Variants in GLT1D1 observed in about 807,000 individuals in gnomAD.
GLT1D1 encodes the protein glycosyltransferase 1 domain-containing protein 1.
Under a neutral mutation model 28.7 loss-of-function variants are expected in GLT1D1, and 21 were observed. That is an observed-to-expected ratio of 0.73 (90% confidence interval 0.52 to 1.05). The LOEUF (loss-of-function observed/expected upper bound fraction) is 1.05, where lower values mean the gene tolerates loss of function less well. Among genes scored for constraint, GLT1D1 ranks in the 50% least tolerant of loss-of-function variants. The pLI is 0.00. For synonymous variants in GLT1D1, 147 were observed against 124.8 expected, an observed-to-expected ratio of 1.18 and a Z score of -1.19; for missense variants, 343 against 330.6, an observed-to-expected ratio of 1.04 and a Z score of -0.29.
chr12:128,893,588 T>C (rs1258409494), intron 3 of GLT1D1, among the ~76,000 whole-genome samples: 3 of 152,080 alleles, frequency 2.0e-5, no homozygotes, highest in Non-Finnish European at 4.4e-5. Flanking sequence ...TAATTGAATT[T>C]TATTGTTTTT....
At chr12:128,898,160 C>T (rs1358432705) in intron 3 of GLT1D1, among the ~76,000 whole-genome samples, 2 of 151,794 alleles carry the variant, frequency 1.3e-5, no homozygotes, top group Non-Finnish European at 2.9e-5. Flanking sequence ...TCCTCCTCCT[C>T]CTCCTTCTTC....
chr12:128,930,967 C>T (rs1873795949), intron 4 of GLT1D1, among the ~76,000 whole-genome samples: 1 of 151,534 alleles, frequency 6.6e-6, no homozygotes, highest in Non-Finnish European at 1.5e-5. Context: ...TGTTTTTCAC[C>T]TCCCGGAGGA....
At chr12:128,898,430 G>C (rs1246833816) in intron 3 of GLT1D1, among the ~76,000 whole-genome samples, 1 of 152,138 alleles carries the variant, frequency 6.6e-6, no homozygotes, top group Admixed American at 6.5e-5. Flanking sequence ...TCCTGCCTCA[G>C]CCTCCCAAAG....
chr12:128,856,757 T>TA (rs912184189), intron 1 of GLT1D1, among the ~76,000 whole-genome samples: 6 of 151,460 alleles, frequency 4.0e-5, no homozygotes, highest in Non-Finnish European at 5.9e-5. Flanking sequence ...TAATTACCAC[T>TA]AAAAAAAACA....
At chr12:128,889,868 G>A (rs1290020780) in intron 3 of GLT1D1, among the ~76,000 whole-genome samples, 5 of 152,196 alleles carry the variant, frequency 3.3e-5, no homozygotes, top group Admixed American at 1.3e-4. Context: ...TCAGCCTCCC[G>A]GGTTCAGGCG....
chr12:128,888,450 C>T (rs1868645572), intron 2 of GLT1D1, among the ~76,000 whole-genome samples, 189 bp from the exon 3 acceptor site: 1 of 152,142 alleles, frequency 6.6e-6, no homozygotes, highest in Non-Finnish European at 1.5e-5. Flanking sequence ...CCCGTGATTC[C>T]TCTTGGTGTT....
At chr12:128,926,723 T>C (rs908670534) in intron 4 of GLT1D1, among the ~76,000 whole-genome samples, 2 of 152,226 alleles carry the variant, frequency 1.3e-5, no homozygotes, top group Non-Finnish European at 2.9e-5. Context: ...AGGACTAAAA[T>C]AATTTTACCT....
chr12:128,901,361 C>T (rs1428421680), intron 4 of GLT1D1, among the ~76,000 whole-genome samples: 2 of 151,994 alleles, frequency 1.3e-5, no homozygotes, highest in Non-Finnish European at 2.9e-5. Flanking sequence ...CTCAAGTGAT[C>T]TGCCCTCCTC....
intron 1 of GLT1D1, among the ~76,000 whole-genome samples, chr12:128,855,804 G>T (rs1956204582): frequency 7.1e-6 from 1 of 140,454 alleles, no homozygotes; most frequent in Non-Finnish European, 1.5e-5. Context: ...CCAGGCTGGA[G>T]TGCAATGGCG....
At chr12:128,936,392 G>T (rs966252161) in intron 4 of GLT1D1, among the ~76,000 whole-genome samples, 1 of 152,192 alleles carries the variant, frequency 6.6e-6, no homozygotes, top group African/African-American at 2.4e-5. Context: ...CTGAACTGGT[G>T]ATCCGCCTGT....
At chr12:128,922,922 CAAAAAAA>C (rs149775593) in intron 4 of GLT1D1, among the ~76,000 whole-genome samples, 3 of 97,602 alleles carry the variant, frequency 3.1e-5, no homozygotes, top group African/African-American at 1.2e-4. Flanking sequence ...GACTCCATCT[CAAAAAAA>C]AAAAAAAAAA....
intron 5 of GLT1D1, among the ~76,000 whole-genome samples, chr12:128,946,302 G>C (rs1250224611): frequency 6.6e-6 from 1 of 152,132 alleles, no homozygotes; most frequent in Non-Finnish European, 1.5e-5. Flanking sequence ...TGGGAACAGG[G>C]CTTTTGTGAC....
intron 7 of GLT1D1, among the ~76,000 whole-genome samples, chr12:128,980,782 T>C (rs1187808325): frequency 1.3e-5 from 2 of 152,186 alleles, no homozygotes; most frequent in African/African-American, 4.8e-5. Flanking sequence ...CGATATATCC[T>C]GTCAGTCAAA....
intron 4 of GLT1D1, among the ~76,000 whole-genome samples, chr12:128,939,825 A>G (rs1874953391): frequency 7.2e-6 from 1 of 138,266 alleles, no homozygotes; most frequent in Non-Finnish European, 1.6e-5. Context: ...GGATGTTGCC[A>G]AATTGTTAGA....
chr12:128,967,438 G>A (rs759607867), intron 7 of GLT1D1, among the ~76,000 whole-genome samples: 5 of 152,182 alleles, frequency 3.3e-5, no homozygotes, highest in Non-Finnish European at 7.3e-5. Flanking sequence ...CCCTCTGCTC[G>A]ATGCTTCTTC....
In GLT1D1 at chr12:128,944,593, A is replaced by G. The variant is rs1593169624; in HGVS notation, c.376-733A>G. On this transcript the variant is annotated intron_variant, in intron 4 of 7. Transcript: ENST00000281703. ...GTGAGCAGTAAGGCGTTGTTTAATG[A>G]CCTCAAAGGACATATTCAGGTTAAT... 7 of 743,496 alleles carry G rather than the reference A, an allele frequency of 9.4e-6. No individual in the cohort carries two copies. In the East Asian group the frequency reaches 1.9e-4, roughly 20 times the overall value. The allele number at this position is 743,496 out of a possible 1,614,324, so 46.1% of individuals were successfully genotyped here.
chr12:128,966,793 AT>A (rs34875010), intron 7 of GLT1D1, among the ~76,000 whole-genome samples: 106,545 of 151,906 alleles, frequency 0.7, 37,478 homozygotes, highest in Admixed American at 0.78. Flanking sequence ...GCCATTTTTA[AT>A]TTTTTTTTAA....
At chr12:128,950,913 G>C (rs1488656233) in intron 6 of GLT1D1, among the ~76,000 whole-genome samples, 1 of 152,142 alleles carries the variant, frequency 6.6e-6, no homozygotes, top group Non-Finnish European at 1.5e-5. Flanking sequence ...GTTGGTTGAA[G>C]GACCTGAACT....
chr12:128,934,196 G>GTTTTTTTTTTTTTTTTT (rs1410503648), intron 4 of GLT1D1, among the ~76,000 whole-genome samples: 1 of 128,686 alleles, frequency 7.8e-6, no homozygotes, highest in Non-Finnish European at 1.6e-5. Context: ...CAAAGAGACA[G>GTTTTTTTTTTTTTTTTT]TCTTTTTTTT....
Sources: allele counts gnomAD v4.1 joint callset (sites outside exome capture counted in the v4.1 genomes callset), GRCh38; gene constraint gnomAD v4.1.1; transcripts MANE v1.5; gene names NCBI Gene and HGNC (gene_info 2026-07-23, HGNC 2026-07-21).